Variants in LYPD6B observed in about 807,000 individuals in gnomAD.
LYPD6B encodes the protein LY6/PLAUR domain containing 6B.
A neutral mutation model predicts 22.8 loss-of-function variants in LYPD6B; 17 were observed. That is an observed-to-expected ratio of 0.75 (90% CI 0.51 to 1.12). LYPD6B has a LOEUF of 1.12. Among genes scored for constraint, LYPD6B ranks in the 50% most tolerant of loss-of-function variants. The pLI, the probability that LYPD6B is intolerant of heterozygous loss-of-function variation, is 0.00. For missense variants in LYPD6B, 221 were observed against 258.3 expected, an observed-to-expected ratio of 0.86 and a Z score of 0.99; for synonymous variants, 106 against 91.6, an observed-to-expected ratio of 1.16 and a Z score of -0.90.
chr2:149,147,061 C>T (rs928399919), intron 2 of LYPD6B, among the ~76,000 whole-genome samples: 15 of 152,092 alleles, frequency 9.9e-5, no homozygotes, highest in Non-Finnish European at 1.8e-4. Context: ...GACTCCAGGG[C>T]GGAGAAGCAC....
intron 3 of LYPD6B, among the ~76,000 whole-genome samples, chr2:149,163,216 A>G (rs1409786434): frequency 6.6e-6 from 1 of 152,132 alleles, no homozygotes; most frequent in East Asian, 1.9e-4. Context: ...TAACCTGAGG[A>G]GTTTCAATAG....
rs1442542996 is a variant in LYPD6B at position 149,205,236 on chromosome 2, G to A, written c.78-17G>A. ...TAAAATATAAAGAAACTGAACCAGT[G>A]TGTCTTTTCACCATAGATATAAGAG... On this transcript the variant is annotated splice_polypyrimidine_tract_variant and intron_variant, in intron 3 of 6. Coordinates refer to ENST00000409642, the MANE Select transcript of LYPD6B (RefSeq NM_177964.5). 1 of 1,592,892 alleles carries A rather than the reference G, an allele frequency of 6.3e-7. No individual in the cohort carries two copies. The highest frequency in any genetic ancestry group is 1.9e-5 in the Admixed American group (1 of 54,016).
intron 1 of LYPD6B, among the ~76,000 whole-genome samples, chr2:149,047,097 A>G (rs1683342922): frequency 6.6e-6 from 1 of 152,246 alleles, no homozygotes; most frequent in African/African-American, 2.4e-5. Flanking sequence ...TTTTATAGCA[A>G]TTAAAATTAA....
chr2:149,145,533 A>G (rs1688966898), intron 2 of LYPD6B, among the ~76,000 whole-genome samples: 1 of 152,188 alleles, frequency 6.6e-6, no homozygotes, highest in East Asian at 1.9e-4. Context: ...AGCCTGAAGA[A>G]CCACATCTGT....
At chr2:149,132,959 T>G (rs957241555) in intron 2 of LYPD6B, among the ~76,000 whole-genome samples, 4 of 152,226 alleles carry the variant, frequency 2.6e-5, no homozygotes, top group Admixed American at 2.6e-4. Flanking sequence ...GATCAGGAAC[T>G]GTAGTACTTA....
intron 5 of LYPD6B, among the ~76,000 whole-genome samples, chr2:149,210,907 T>G (rs1202111641): frequency 6.6e-6 from 1 of 152,200 alleles, no homozygotes; most frequent in African/African-American, 2.4e-5. Context: ...TGCATTGCTA[T>G]AAAGAAACAC....
At chr2:149,144,053 A>G (rs1171818978) in intron 2 of LYPD6B, 3 of 152,334 alleles carry the variant, frequency 2.0e-5, no homozygotes, top group Admixed American at 6.5e-5. Flanking sequence ...TCTAACATAC[A>G]TATATTCAGC....
intron 3 of LYPD6B, among the ~76,000 whole-genome samples, chr2:149,177,835 G>GTTTTTTTTT (rs35470511): frequency 1.5e-5 from 2 of 131,858 alleles, no homozygotes; most frequent in African/African-American, 2.8e-5. Context: ...TTCTGCAAGA[G>GTTTTTTTTT]TTTTTTTTTT....
rs115547051 is a variant in LYPD6B, at chr2:149,115,699, G to A, written c.-66-15184G>A. 8.9e-4 allele frequency among the ~76,000 whole-genome samples: 135 copies of A among 152,312 alleles called. 1 individual carries two copies. Among genetic ancestry groups the A allele is most frequent in the African/African-American group, 3.1e-3 (128 of 41,576 alleles). On this transcript the variant is annotated intron_variant, in intron 1 of 6. Transcript: ENST00000409642. ...ATAACACATGGAAGATATTTATCCA[G>A]AAGAGGTGACTAGACCCACCGTAGG...
intron 2 of LYPD6B, among the ~76,000 whole-genome samples, chr2:149,146,946 A>G (rs1689064430): frequency 6.6e-6 from 1 of 152,202 alleles, no homozygotes; most frequent in Non-Finnish European, 1.5e-5. Context: ...GCACACATGG[A>G]AAGTCTAGAA....
chr2:149,151,647 A>G (rs1010719144), intron 2 of LYPD6B, among the ~76,000 whole-genome samples: 3 of 152,214 alleles, frequency 2.0e-5, no homozygotes, highest in Non-Finnish European at 4.4e-5. Context: ...AGAACAAGTT[A>G]GCTTGCTTCT....
At chr2:149,155,400 T>A (rs1689633112) in intron 2 of LYPD6B, among the ~76,000 whole-genome samples, 1 of 152,228 alleles carries the variant, frequency 6.6e-6, no homozygotes, top group Non-Finnish European at 1.5e-5. Context: ...GTGTCAGTAT[T>A]GCCCTGCGGC....
At chr2:149,210,817 C>T (rs1270343782) in intron 5 of LYPD6B, among the ~76,000 whole-genome samples, 1 of 152,256 alleles carries the variant, frequency 6.6e-6, no homozygotes, top group Non-Finnish European at 1.5e-5. Flanking sequence ...GAACTTTTAG[C>T]GGCTCCCTTT....
intron 1 of LYPD6B, among the ~76,000 whole-genome samples, chr2:149,084,690 C>T (rs938879293): frequency 3.3e-5 from 5 of 152,136 alleles, no homozygotes; most frequent in African/African-American, 9.7e-5. Flanking sequence ...AACATGAGTT[C>T]ATTCATATTT....
chr2:149,072,298 A>G (rs1684643300), intron 1 of LYPD6B, among the ~76,000 whole-genome samples: 1 of 151,800 alleles, frequency 6.6e-6, no homozygotes, highest in Admixed American at 6.6e-5. Context: ...AATGCTATGA[A>G]GGATAACACA....
At chr2:149,074,986 T>G (rs1684814411) in intron 1 of LYPD6B, among the ~76,000 whole-genome samples, 2 of 152,222 alleles carry the variant, frequency 1.3e-5, no homozygotes, top group South Asian at 2.1e-4. Context: ...TACAATATAG[T>G]GTGCTCAGTC....
Position 149,155,407 on chromosome 2 carries a change from C to T in LYPD6B, c.6-5357C>T, listed in dbSNP as rs113998922. Among the ~76,000 whole-genome samples the T allele has an allele frequency of 3.6e-3, 543 of 152,318 alleles. 5 individuals are homozygous for T. The highest frequency in any genetic ancestry group is 0.013 in the African/African-American group (530 of 41,560). ...AGGTGCAAGTGTCAGTATTGCCCTG[C>T]GGCTGGAATGTGCCCTGGACAAGAA... On this transcript the variant is annotated intron_variant, in intron 2 of 6. Coordinates refer to ENST00000409642, the MANE Select transcript of LYPD6B (RefSeq NM_177964.5).
intron 1 of LYPD6B, among the ~76,000 whole-genome samples, chr2:149,059,856 C>G (rs1683992675): frequency 1.3e-5 from 2 of 152,176 alleles, no homozygotes; most frequent in Admixed American, 1.3e-4. Context: ...TGCCTGGGGA[C>G]AGGAAATGGT....
At chr2:149,069,015 G>A (rs985908519) in intron 1 of LYPD6B, 2 of 156,708 alleles carry the variant, frequency 1.3e-5, no homozygotes, top group African/African-American at 4.9e-5. Context: ...TTACTTCCCT[G>A]TCCATACCTT....
Sources: gnomAD v4.1 joint callset for allele counts (sites outside exome capture counted in the v4.1 genomes callset) on GRCh38, gnomAD v4.1.1 for gene constraint, MANE v1.5 for transcripts, NCBI Gene and HGNC (gene_info 2026-07-23, HGNC 2026-07-21) for gene names.